DKK2: variants seen among roughly 807,000 people sequenced by gnomAD.
DKK2 encodes dickkopf Wnt signaling pathway inhibitor 2.
DKK2 carries 11 observed loss-of-function variants against 28.1 expected under a neutral mutation model. The ratio of observed to expected loss-of-function variants is 0.39; its 90% CI spans 0.25 to 0.65. The LOEUF is 0.65. Ranked by LOEUF, DKK2 falls within the 30% of genes least tolerant of loss-of-function variation. DKK2 has a pLI of 0.47. For synonymous variants in DKK2, 135 were observed against 126.5 expected, an observed-to-expected ratio of 1.07 and a Z score of -0.45; for missense variants, 326 against 335.5, an observed-to-expected ratio of 0.97 and a Z score of 0.22.
chr4:106,944,165 C>T (rs1035044672), intron 1 of DKK2, among the ~76,000 whole-genome samples: 2 of 151,994 alleles, frequency 1.3e-5, no homozygotes, highest in African/African-American at 4.8e-5. Flanking sequence ...ACACTTTAGT[C>T]ACAGCAATAT....
chr4:106,980,466 A>T (rs1270129306), intron 1 of DKK2, among the ~76,000 whole-genome samples: 1 of 152,150 alleles, frequency 6.6e-6, no homozygotes, highest in Non-Finnish European at 1.5e-5. Context: ...ATGTTTGCTT[A>T]GACAAAGTAA....
intron 1 of DKK2, among the ~76,000 whole-genome samples, chr4:107,018,256 A>G (rs1723640603): frequency 6.6e-6 from 1 of 152,066 alleles, no homozygotes; most frequent in African/African-American, 2.4e-5. Context: ...CAGAATTTTA[A>G]GAAGGTCCAA....
chr4:106,953,498 G>A (rs1457015081), intron 1 of DKK2, among the ~76,000 whole-genome samples: 46 of 152,076 alleles, frequency 3.0e-4, no homozygotes, highest in Admixed American at 2.9e-3. Context: ...AGCAAAGAAG[G>A]CTTTAACCAT....
rs1190453627 is a variant in DKK2 at position 107,036,230 on chromosome 4, A to G, written c.-639T>C. 6.6e-6 allele frequency: 1 copy of G among 152,454 alleles called. No individual in the cohort carries two copies. The highest frequency in any genetic ancestry group is 1.5e-5 in the Non-Finnish European group (1 of 68,266). 9.4% of individuals were successfully genotyped at this position (152,454 alleles called of 1,614,324 possible). On this transcript the variant is annotated 5_prime_UTR_variant, in exon 1 of 4. Transcript: ENST00000285311. ...CGTTGTCCCCTGACTCACAAGAGACAGCGAATCGCTGCCAGCGCAGCGATG... is the reference window on the plus strand; with the variant it reads ...CGTTGTCCCCTGACTCACAAGAGACGGCGAATCGCTGCCAGCGCAGCGATG...
intron 1 of DKK2, among the ~76,000 whole-genome samples, chr4:107,008,706 G>A (rs907503151): frequency 6.6e-6 from 1 of 151,926 alleles, no homozygotes; most frequent in Non-Finnish European, 1.5e-5. Context: ...TATACACAGG[G>A]ATACCTAAAC....
chr4:107,017,928 T>A (rs1188443750), intron 1 of DKK2, among the ~76,000 whole-genome samples: 1 of 152,068 alleles, frequency 6.6e-6, no homozygotes, highest in Non-Finnish European at 1.5e-5. Context: ...TCAGTACAAA[T>A]TTTTAGCTTT....
At chr4:106,941,110 AAAAAT>A (rs1724691596) in intron 1 of DKK2, among the ~76,000 whole-genome samples, 1 of 152,110 alleles carries the variant, frequency 6.6e-6, no homozygotes, top group Non-Finnish European at 1.5e-5. Context: ...AAGTATAATA[AAAAAT>A]AAAATAACAA....
chr4:107,002,045 G>A (rs894563477), intron 1 of DKK2, among the ~76,000 whole-genome samples: 8 of 152,108 alleles, frequency 5.3e-5, no homozygotes, highest in Non-Finnish European at 1.2e-4. Context: ...GAAGTCAAAT[G>A]TTCCATTTTA....
At chr4:107,033,141 C>T (rs1166275237) in intron 1 of DKK2, among the ~76,000 whole-genome samples, 6 of 152,176 alleles carry the variant, frequency 3.9e-5, no homozygotes, top group African/African-American at 7.2e-5. Context: ...AGCTAGCCTC[C>T]TGCTATTCAA....
chr4:106,974,446 A>G (rs774221544), intron 1 of DKK2, among the ~76,000 whole-genome samples: 1 of 152,128 alleles, frequency 6.6e-6, no homozygotes, highest in Non-Finnish European at 1.5e-5. Context: ...CTCCTTGAAG[A>G]GGTCCTTCAC....
At chr4:107,003,381 A>G (rs1250634612) in intron 1 of DKK2, among the ~76,000 whole-genome samples, 1 of 152,214 alleles carries the variant, frequency 6.6e-6, no homozygotes, top group East Asian at 1.9e-4. Flanking sequence ...ATAGTTCACC[A>G]TCTTTTAGGC....
intron 1 of DKK2, among the ~76,000 whole-genome samples, chr4:106,930,089 A>C (rs1205900279): frequency 6.6e-6 from 1 of 152,222 alleles, no homozygotes; most frequent in Non-Finnish European, 1.5e-5. Context: ...GAAAAAGAGA[A>C]TACTGGCAGA....
intron 1 of DKK2, among the ~76,000 whole-genome samples, chr4:107,031,675 G>T (rs1162787887): frequency 6.6e-6 from 1 of 151,928 alleles, no homozygotes; most frequent in Admixed American, 6.6e-5. Flanking sequence ...ACTTTTAAAA[G>T]AATTGCAAAA....
In DKK2 at chr4:107,028,026, A is replaced by G. The variant is rs144450111; in HGVS notation, c.222+7344T>C. Among the ~76,000 whole-genome samples, 1,488 of 152,222 alleles carry G rather than the reference A, an allele frequency of 9.8e-3. 34 individuals are homozygous for G. The highest frequency in any genetic ancestry group is 0.034 in the African/African-American group (1,397 of 41,504). On this transcript the variant is annotated intron_variant, in intron 1 of 3. Transcript: ENST00000285311. ...CTCAGCCTCCCAAAGTGCTAGGATT[A>G]CAGGCGTGAGCCACCGCGCCCTGCC... is the stretch of plus-strand genomic sequence containing the variant.
At chr4:107,035,254 T>G in intron 1 of DKK2, 116 bp downstream of exon 1, 1 of 1,244,350 alleles carries the variant, frequency 8.0e-7, no homozygotes, top group Non-Finnish European at 1.1e-6. Flanking sequence ...CAGCCGCCTG[T>G]TCTCTGTATC....
rs953004497 is a variant in DKK2, at chr4:106,935,448, C to A, written c.223-9499G>T. Among the ~76,000 whole-genome samples, 78 of 152,246 alleles carry A rather than the reference C, an allele frequency of 5.1e-4. 1 individual carries two copies. Among genetic ancestry groups the A allele is most frequent in the African/African-American group, 1.8e-3 (76 of 41,472 alleles). ...CACACCATGAGATTATATCCCACAC[C>A]TGGCTCGGAGGGTCCTACACCCACA... On this transcript the variant is annotated intron_variant, in intron 1 of 3. Coordinates refer to ENST00000285311, the MANE Select transcript of DKK2 (RefSeq NM_014421.3).
In DKK2 at chr4:107,035,519, T is replaced by C; in HGVS notation, c.73A>G (p.Ser25Gly). Residue 25 changes from serine to glycine, a missense_variant, in exon 1 of 4, where the codon AGC (serine) becomes GGC (glycine). By Grantham distance (56) the Ser-to-Gly change is moderately conservative. Coordinates refer to ENST00000285311, the MANE Select transcript of DKK2 (RefSeq NM_014421.3). ...LLLAAVLMVESSQIGSSRAKL... is the reference protein window; with the variant it reads ...LLLAAVLMVEGSQIGSSRAKL... ...GCCCGCGAACTGCCGATCTGTGAGC[T>C]CTCCACCATCAGCACCGCGGCCAGT... 2 of 1,613,994 alleles carry C rather than the reference T, an allele frequency of 1.2e-6. No homozygotes were observed. Among genetic ancestry groups the C allele is most frequent in the Non-Finnish European group, 1.7e-6 (2 of 1,180,016 alleles).
intron 1 of DKK2, among the ~76,000 whole-genome samples, chr4:106,974,317 CAAATT>C (rs1440724211): frequency 2.0e-5 from 3 of 152,004 alleles, no homozygotes; most frequent in African/African-American, 7.2e-5. Context: ...ATTGAATCTA[CAAATT>C]ACTTTGGGCA....
At chr4:107,020,029 G>T (rs950927883) in intron 1 of DKK2, among the ~76,000 whole-genome samples, 10 of 151,974 alleles carry the variant, frequency 6.6e-5, no homozygotes, top group African/African-American at 1.9e-4. Context: ...TAGTGGTGAG[G>T]TTGAGCTACA....
Sources: gnomAD v4.1 joint callset for allele counts (sites outside exome capture counted in the v4.1 genomes callset) on GRCh38, gnomAD v4.1.1 for gene constraint, MANE v1.5 for transcripts, NCBI Gene and HGNC (gene_info 2026-07-23, HGNC 2026-07-21) for gene names.